Variants in ZFP14 observed in about 807,000 individuals in gnomAD.
The protein encoded by ZFP14 is ZFP14 zinc finger protein.
Under a neutral mutation model 54.5 loss-of-function variants are expected in ZFP14, and 22 were observed. The ratio of observed to expected loss-of-function variants is 0.40; its 90% confidence interval spans 0.29 to 0.58. The LOEUF (loss-of-function observed/expected upper bound fraction) is 0.58, where lower values mean the gene tolerates loss of function less well. ZFP14 is among the 20% of genes least tolerant of loss of function. The pLI, the probability that ZFP14 is intolerant of heterozygous loss-of-function variation, is 0.39. For synonymous variants in ZFP14, 159 were observed against 204.0 expected (o/e 0.78, Z 1.88); for missense variants, 470 against 637.8 (o/e 0.74, Z 2.83).
rs1193357760 is a variant in ZFP14 at position 36,335,386 on chromosome 19, C to T, written c.*4838G>A. ...GATTTTGTAATAAATTCTAAATAAACTTTATTTAGAATTGTGAAAAATAGA... is the reference window on the plus strand; with the variant it reads ...GATTTTGTAATAAATTCTAAATAAATTTTATTTAGAATTGTGAAAAATAGA... On this transcript the variant is annotated 3_prime_UTR_variant, in exon 5 of 5. Coordinates refer to ENST00000270001, the MANE Select transcript of ZFP14 (RefSeq NM_020917.3). The T allele has an allele frequency of 1.3e-5, 2 of 152,036 alleles. No homozygotes were observed. Among genetic ancestry groups the T allele is most frequent in the African/African-American group, 2.4e-5 (1 of 41,374 alleles). 9.4% of individuals were successfully genotyped at this position (152,036 alleles called of 1,614,324 possible).
At chr19:36,346,328 C>CA (rs909452298) in intron 4 of ZFP14, among the ~76,000 whole-genome samples, 1 of 151,708 alleles carries the variant, frequency 6.6e-6, no homozygotes, top group African/African-American at 2.4e-5. Context: ...AAAAACAAAA[C>CA]AAAAAAACAA....
rs1275606098 is a variant in ZFP14 at position 36,339,613 on chromosome 19, G to A, written c.*611C>T. ...GGCCAGGAGCTGCAGTCAGCGTTCA[G>A]CCAACAGCCAGCTAGAAACTGAGAA... On this transcript the variant is annotated 3_prime_UTR_variant, in exon 5 of 5. Coordinates refer to ENST00000270001, the MANE Select transcript of ZFP14 (RefSeq NM_020917.3). 1 of 152,282 alleles carries A rather than the reference G, an allele frequency of 6.6e-6. No individual in the cohort carries two copies. Among genetic ancestry groups the A allele is most frequent in the Non-Finnish European group, 1.5e-5 (1 of 68,090 alleles). 9.4% of individuals were successfully genotyped at this position (152,282 alleles called of 1,614,324 possible).
At chr19:36,358,645 G>C (rs1178034674) in intron 4 of ZFP14, among the ~76,000 whole-genome samples, 1 of 152,072 alleles carries the variant, frequency 6.6e-6, no homozygotes, top group Non-Finnish European at 1.5e-5. Flanking sequence ...CCAGATTGAG[G>C]AAGTTCCCTT....
rs80060571 is a variant in ZFP14 at position 36,357,678 on chromosome 19, G to A, written c.235+2757C>T. On this transcript the variant is annotated intron_variant, in intron 4 of 4. Coordinates refer to ENST00000270001, the MANE Select transcript of ZFP14 (RefSeq NM_020917.3). ...CTAGGACCTCTGTTGTGTTTTGTTC[G>A]GTAATCTTTGCCAATAACATACTGT... Among the ~76,000 whole-genome samples the A allele has an allele frequency of 5.4e-3, 816 of 152,066 alleles. 8 individuals carry two copies. The highest frequency in any genetic ancestry group is 0.018 in the African/African-American group (766 of 41,484).
chr19:36,354,816 C>T (rs775912996), intron 4 of ZFP14, among the ~76,000 whole-genome samples: 2 of 142,622 alleles, frequency 1.4e-5, no homozygotes, highest in Non-Finnish European at 3.1e-5. Flanking sequence ...GGACTACAGG[C>T]ATGTGCCACC....
At chr19:36,365,776 T>C (rs1335397750) in intron 2 of ZFP14, among the ~76,000 whole-genome samples, 1 of 151,932 alleles carries the variant, frequency 6.6e-6, no homozygotes, top group African/African-American at 2.4e-5. Flanking sequence ...TTAGGCAACA[T>C]AGTGGGACCC....
Position 36,352,047 on chromosome 19 carries a change from G to A in ZFP14, c.235+8388C>T, listed in dbSNP as rs55956424. Reference sequence around the variant, plus strand: ...AAATACAAAAAAATTAGCGGGGCGTGGTGGTGAGCGCCTGTAGTCCCAGCT... The same window carrying A: ...AAATACAAAAAAATTAGCGGGGCGTAGTGGTGAGCGCCTGTAGTCCCAGCT... On this transcript the variant is annotated intron_variant, in intron 4 of 4. Transcript: ENST00000270001. Among the ~76,000 whole-genome samples, 746 of 141,316 alleles carry A rather than the reference G, an allele frequency of 5.3e-3. 83 individuals are homozygous for A. The highest frequency in any genetic ancestry group is 0.019 in the African/African-American group (714 of 38,460). The allele number at this position is 141,316 out of a possible 152,430, so 92.7% of individuals were successfully genotyped here.
chr19:36,378,315 G>A (rs780870373), intron 1 of ZFP14: 2 of 152,182 alleles, frequency 1.3e-5, no homozygotes, highest in Non-Finnish European at 2.9e-5. Context: ...AACATCACTG[G>A]TAAGAAAACT....
rs777927968 is a variant in ZFP14 at position 36,341,112 on chromosome 19, T to C, written c.714A>G (p.Thr238=). Reference sequence around the variant, plus strand: ...GATGTTGAGTAAGTTCTTGGAGCACTGTAAAGGCCTTCCCACACTCCTTAC... The same window carrying C: ...GATGTTGAGTAAGTTCTTGGAGCACCGTAAAGGCCTTCCCACACTCCTTAC... ...YECKECGKAF[T]VLQELTQHQR... Residue 238 remains threonine, a synonymous_variant, in exon 5 of 5, where the codon ACA becomes ACG. Transcript: ENST00000270001. The surrounding 1 kb of genome is among the most constrained non-coding windows in gnomAD (Gnocchi z 4.2). The C allele has an allele frequency of 1.9e-6, 3 of 1,614,086 alleles. No homozygotes were observed. Among genetic ancestry groups the C allele is most frequent in the South Asian group, 2.2e-5 (2 of 91,070 alleles).
rs1287854724 is a variant in ZFP14 at position 36,338,795 on chromosome 19, G to C, written c.*1429C>G. ...GATATGGCATTTTGAGCATCCAAAA[G>C]TATACTGACTTATAGAATGATGTTT... On this transcript the variant is annotated 3_prime_UTR_variant, in exon 5 of 5. Coordinates refer to ENST00000270001, the MANE Select transcript of ZFP14 (RefSeq NM_020917.3). The C allele has an allele frequency of 6.6e-6, 1 of 152,164 alleles. No homozygotes were observed. The highest frequency in any genetic ancestry group is 6.5e-5 in the Admixed American group (1 of 15,276). 9.4% of individuals were successfully genotyped at this position (152,164 alleles called of 1,614,324 possible). A position where few individuals can be genotyped will look rare whatever the true frequency, so the allele number is the denominator to read the frequency against.
intron 2 of ZFP14, among the ~76,000 whole-genome samples, chr19:36,363,578 C>A (rs1193144859): frequency 6.6e-6 from 1 of 152,080 alleles, no homozygotes; most frequent in Non-Finnish European, 1.5e-5. Flanking sequence ...TTGGTTGTCA[C>A]AATCGGAGGA....
intron 4 of ZFP14, among the ~76,000 whole-genome samples, chr19:36,357,193 C>T (rs549207295): frequency 6.6e-6 from 1 of 152,302 alleles, no homozygotes; most frequent in South Asian, 2.1e-4. Flanking sequence ...CAGGCGCATG[C>T]CAAGACGCCC....
At chr19:36,361,023 T>C (rs1437018809) in intron 3 of ZFP14, among the ~76,000 whole-genome samples, 2 of 152,214 alleles carry the variant, frequency 1.3e-5, no homozygotes, top group Admixed American at 1.3e-4. Flanking sequence ...CCCAAATATA[T>C]GGTGATGTTT....
At chr19:36,372,651 A>C (rs2031897255) in intron 1 of ZFP14, among the ~76,000 whole-genome samples, 1 of 152,188 alleles carries the variant, frequency 6.6e-6, no homozygotes, top group Admixed American at 6.5e-5. Flanking sequence ...GAGAGGCCTC[A>C]AAAAACTAAA....
rs936628163 is a variant in ZFP14 at position 36,339,747 on chromosome 19, A to C, written c.*477T>G. The C allele has an allele frequency of 4.6e-5, 7 of 153,646 alleles. No homozygotes were observed. The highest frequency in any genetic ancestry group is 8.7e-5 in the Non-Finnish European group (6 of 69,114). The allele number at this position is 153,646 out of a possible 1,614,324, so 9.5% of individuals were successfully genotyped here. On this transcript the variant is annotated 3_prime_UTR_variant, in exon 5 of 5. Coordinates refer to ENST00000270001, the MANE Select transcript of ZFP14 (RefSeq NM_020917.3). The stretch of plus-strand genomic sequence containing the variant: ...AGATGAGACCTCAGCCCTGGCTGAA[A>C]TCTGTAGCCTTGCAAGAGACCCTGA...
At chr19:36,372,600 C>T (rs2031896279) in intron 1 of ZFP14, among the ~76,000 whole-genome samples, 1 of 152,084 alleles carries the variant, frequency 6.6e-6, no homozygotes, top group South Asian at 2.1e-4. Flanking sequence ...TGCCTGTAAC[C>T]CCAACATTTT....
At chr19:36,376,297 A>T (rs1426726233) in intron 1 of ZFP14, among the ~76,000 whole-genome samples, 1 of 152,194 alleles carries the variant, frequency 6.6e-6, no homozygotes, top group Non-Finnish European at 1.5e-5. Flanking sequence ...CTGTAATCCC[A>T]GCACTTTGGG....
rs370087120 is a variant in ZFP14 at position 36,346,475 on chromosome 19, G to T, written c.236-4885C>A. 2.7e-3 allele frequency among the ~76,000 whole-genome samples: 394 copies of T among 145,368 alleles called. 4 individuals carry two copies. The highest frequency in any genetic ancestry group is 8.3e-3 in the African/African-American group (328 of 39,288). On this transcript the variant is annotated intron_variant, in intron 4 of 4. Transcript: ENST00000270001. ...CATAGAGCTCTCACTTTTTTTTTTTGAGACAGAGTCTTGCTCTGTCGCCAG... is the reference window on the plus strand; with the variant it reads ...CATAGAGCTCTCACTTTTTTTTTTTTAGACAGAGTCTTGCTCTGTCGCCAG...
chr19:36,364,627 T>TA (rs2031763167), intron 2 of ZFP14, among the ~76,000 whole-genome samples: 1 of 152,114 alleles, frequency 6.6e-6, no homozygotes, highest in African/African-American at 2.4e-5. Flanking sequence ...GGCCTTATCT[T>TA]ATAAGGCCCA....
Sources: allele counts gnomAD v4.1 joint callset (sites outside exome capture counted in the v4.1 genomes callset), GRCh38; gene constraint gnomAD v4.1.1; non-coding constraint Gnocchi (gnomAD v3.1); transcripts MANE v1.5; gene names NCBI Gene and HGNC (gene_info 2026-07-23, HGNC 2026-07-21).